PLS3: variants seen among roughly 807,000 people sequenced by gnomAD.
PLS3 encodes the protein plastin-3.
PLS3 carries 11 observed loss-of-function variants against 46.5 expected under a neutral mutation model. That is an observed-to-expected ratio of 0.24 (90% CI 0.15 to 0.39). PLS3 has a LOEUF of 0.39. PLS3 is among the 10% of genes least tolerant of loss of function. PLS3 has a pLI of 1.00. For synonymous variants in PLS3, 167 were observed against 162.2 expected (o/e 1.03, Z -0.22); for missense variants, 308 against 461.8 (o/e 0.67, Z 3.05).
chrX:115,566,910 C>A (rs781949078), intron 1 of PLS3, among the ~76,000 whole-genome samples: 1 of 110,923 alleles, frequency 9.0e-6, no homozygotes, highest in Non-Finnish European at 1.9e-5. Flanking sequence ...AATTCCTGAC[C>A]TTGTGATCCG....
chrX:115,621,965 TTAA>T, intron 2 of PLS3: 1 of 229,284 alleles, frequency 4.4e-6, no homozygotes, highest in Admixed American at 7.0e-5. Context: ...TAGCGCCAAG[TTAA>T]TAATAATTGT....
intron 1 of PLS3, among the ~76,000 whole-genome samples, chrX:115,604,855 C>A (rs181516689): frequency 8.9e-6 from 1 of 111,950 alleles, no homozygotes; most frequent in African/African-American, 3.2e-5. Context: ...GTGATGTTTT[C>A]TCTCAAGATA....
intron 8 of PLS3, 97 bp from the exon 9 acceptor site, chrX:115,640,311 C>A: frequency 2.9e-6 from 2 of 682,147 alleles, no homozygotes; most frequent in African/African-American, 4.3e-5. Context: ...CATTTATTCT[C>A]AAAAAATCCA....
intron 2 of PLS3, among the ~76,000 whole-genome samples, chrX:115,616,411 T>G: frequency 8.9e-6 from 1 of 112,424 alleles, no homozygotes; most frequent in East Asian, 2.8e-4. Flanking sequence ...AAAACATGAC[T>G]CAAAGACTAT....
chrX:115,622,486 C>A, intron 3 of PLS3, 77 bp downstream of exon 3: 1 of 620,091 alleles, frequency 1.6e-6, no homozygotes, highest in Non-Finnish European at 2.5e-6. Context: ...GTATTAAGTA[C>A]TGTTATGTTA....
intron 3 of PLS3, among the ~76,000 whole-genome samples, chrX:115,623,019 C>T (rs1229812446): frequency 3.6e-5 from 4 of 111,029 alleles, no homozygotes; most frequent in African/African-American, 6.6e-5. Context: ...TTCTTTCACC[C>T]CCCCACCCCA....
chrX:115,604,224 T>C (rs1304484835), intron 1 of PLS3, among the ~76,000 whole-genome samples: 2 of 111,949 alleles, frequency 1.8e-5, no homozygotes, highest in Non-Finnish European at 3.8e-5. Flanking sequence ...AGTCAGTAAT[T>C]ATAGGGAGAT....
chrX:115,600,130 G>A (rs1226990344), intron 1 of PLS3, among the ~76,000 whole-genome samples: 1 of 110,188 alleles, frequency 9.1e-6, no homozygotes, highest in Non-Finnish European at 1.9e-5. Flanking sequence ...TCTAAACATT[G>A]CAGTTGGTTG....
intron 1 of PLS3, among the ~76,000 whole-genome samples, chrX:115,571,732 G>GT (rs1469242434): frequency 1.8e-5 from 2 of 111,812 alleles, no homozygotes; most frequent in Non-Finnish European, 3.8e-5. Flanking sequence ...GGAAAAAAAA[G>GT]TAGGGGCAAA....
chrX:115,639,651 A>C, intron 8 of PLS3: 1 of 315,766 alleles, frequency 3.2e-6, no homozygotes, highest in Non-Finnish European at 6.1e-6. Context: ...TAGCATTCCA[A>C]AGATGCAGGA....
intron 5 of PLS3, among the ~76,000 whole-genome samples, chrX:115,631,134 G>T (rs149737168): frequency 8.6e-5 from 9 of 104,769 alleles, no homozygotes; most frequent in East Asian, 5.9e-4. Context: ...TTGGCTCACC[G>T]CAACCTCCGC....
chrX:115,648,388 A>G lies in PLS3; in HGVS notation c.1760+371A>G, dbSNP rs151332708. On this transcript the variant is annotated intron_variant, in intron 15 of 15. Transcript: ENST00000355899. ...TCTTTTTTTAAAAAACGCATTATCC[A>G]CTTATGTCTCTTTTACTATACATAG... Among the ~76,000 whole-genome samples the G allele has an allele frequency of 9.1e-3, 1,014 of 111,190 alleles. 5 individuals carry two copies. Among genetic ancestry groups the G allele is most frequent in the Non-Finnish European group, 0.014 (761 of 52,983 alleles).
At position 115,647,692 on chromosome X, in the gene PLS3, C is replaced by T; in HGVS notation, c.1635+19C>T. On this transcript the variant is annotated intron_variant, in intron 14 of 15. Transcript: ENST00000355899. ...TTTTAAGGTCAGAATCCATATTTGACTATTAAATATTATGTTTGCTGGATA... is the reference window on the plus strand; with the variant it reads ...TTTTAAGGTCAGAATCCATATTTGATTATTAAATATTATGTTTGCTGGATA... The T allele has an allele frequency of 5.0e-6, 6 of 1,190,443 alleles. No homozygotes were observed. The highest frequency in any genetic ancestry group is 1.8e-5 in the South Asian group (1 of 55,832).
intron 6 of PLS3, 56 bp downstream of exon 6, chrX:115,634,137 T>C: frequency 1.4e-6 from 1 of 689,915 alleles, no homozygotes; most frequent in Non-Finnish European, 2.3e-6. Flanking sequence ...GGACCTGTTC[T>C]GCAGACTTCA....
At chrX:115,594,664 T>TCA (rs1157848437) in intron 1 of PLS3, among the ~76,000 whole-genome samples, 3 of 104,210 alleles carry the variant, frequency 2.9e-5, no homozygotes, top group East Asian at 5.9e-4. Flanking sequence ...TCTCTCTCTC[T>TCA]CTCTCACACA....
intron 1 of PLS3, chrX:115,593,630 C>G (rs899477516): frequency 9.0e-6 from 1 of 111,063 alleles, no homozygotes; most frequent in African/African-American, 3.3e-5. Context: ...TTGCTCTCAG[C>G]GGGTAACTAT....
At chrX:115,595,846 G>A (rs1556633779) in intron 1 of PLS3, among the ~76,000 whole-genome samples, 2 of 108,647 alleles carry the variant, frequency 1.8e-5, no homozygotes, top group East Asian at 2.9e-4. Flanking sequence ...CCACCACCAC[G>A]CCCGGCTAAT....
intron 3 of PLS3, chrX:115,624,402 A>G (rs1239915980): frequency 1.8e-5 from 2 of 111,601 alleles, no homozygotes; most frequent in East Asian, 2.8e-4. Context: ...TTTATTTGCA[A>G]TTTGAGCACT....
At chrX:115,632,378 T>C (rs1236689944) in intron 5 of PLS3, among the ~76,000 whole-genome samples, 1 of 110,664 alleles carries the variant, frequency 9.0e-6, no homozygotes, top group Non-Finnish European at 1.9e-5. Context: ...GAGGATCCCT[T>C]GAGCCCAGGA....
Sources: allele counts gnomAD v4.1 joint callset (sites outside exome capture counted in the v4.1 genomes callset), GRCh38; gene constraint gnomAD v4.1.1; transcripts MANE v1.5; gene names NCBI Gene and HGNC (gene_info 2026-07-23, HGNC 2026-07-21).